Variants in AKR1C3 observed in about 807,000 individuals in gnomAD.
AKR1C3 encodes 3-alpha hydroxysteroid dehydrogenase, type II.
Under a neutral mutation model 43.6 loss-of-function variants are expected in AKR1C3, and 48 were observed. That is an observed-to-expected ratio of 1.10 (90% CI 0.87 to 1.40). The LOEUF is 1.40. Among genes scored for constraint, AKR1C3 ranks in the 40% most tolerant of loss-of-function variants. AKR1C3 has a pLI of 0.00. For missense variants in AKR1C3, 482 were observed against 391.2 expected (o/e 1.23, Z -1.96); for synonymous variants, 162 against 139.6 (o/e 1.16, Z -1.13).
At chr10:5,104,253 A>ACAACT (rs1839438754) in intron 7 of AKR1C3, among the ~76,000 whole-genome samples, 2 of 152,158 alleles carry the variant, frequency 1.3e-5, no homozygotes, top group African/African-American at 4.8e-5. Context: ...AATTAGTTGT[A>ACAACT]AATTCAAATG....
chr10:5,098,171 G>A (rs1427595514), intron 3 of AKR1C3: 13 of 985,566 alleles, frequency 1.3e-5, no homozygotes, highest in Non-Finnish European at 1.6e-5. Context: ...TGTAAAATGG[G>A]AAGTCAAAGA....
At chr10:5,077,542 G>T in intron 1 of AKR1C3, 1 of 394,990 alleles carries the variant, frequency 2.5e-6, no homozygotes, top group South Asian at 1.1e-4. Context: ...TCCTATTATG[G>T]AAATGCAAGG....
intron 8 of AKR1C3, among the ~76,000 whole-genome samples, chr10:5,106,307 T>C (rs1201374355): frequency 9.2e-5 from 14 of 152,162 alleles, no homozygotes; most frequent in Admixed American, 9.2e-4. Context: ...AGGCAGAGAA[T>C]TTAAAAAAAT....
chr10:5,078,186 G>A (rs1365616977), intron 1 of AKR1C3, among the ~76,000 whole-genome samples: 2 of 152,166 alleles, frequency 1.3e-5, no homozygotes, highest in South Asian at 2.1e-4. Flanking sequence ...CATTTTGGGC[G>A]GCTGATGCGG....
intron 3 of AKR1C3, among the ~76,000 whole-genome samples, chr10:5,098,591 T>A (rs1461164747): frequency 6.6e-6 from 1 of 152,260 alleles, no homozygotes; most frequent in African/African-American, 2.4e-5. Context: ...TCCTTTTCCA[T>A]GCATATAATA....
intron 3 of AKR1C3, chr10:5,097,906 A>G (rs1564369397): frequency 9.2e-7 from 1 of 1,082,706 alleles, no homozygotes; most frequent in East Asian, 8.9e-5. Context: ...ACTGCTGCAC[A>G]TGTGATGCAC....
chr10:5,094,499 T>C lies in AKR1C3; in HGVS notation c.55T>C (p.Leu19=). The change falls in exon 1 of 9, where the codon TTG becomes CTG. Residue 19 remains leucine (L), a synonymous_variant. Coordinates refer to ENST00000380554, the MANE Select transcript of AKR1C3 (RefSeq NM_003739.6). ...AAATGATGGCCACTTCATGCCTGTA[T>C]TGGGATTTGGCACCTATGCACCTCC... The part of the protein sequence containing the change: ...KLNDGHFMPV[L]GFGTYAPPEV... 2 of 1,612,844 alleles carry C rather than the reference T, an allele frequency of 1.2e-6. No homozygotes were observed. Among genetic ancestry groups the C allele is most frequent in the South Asian group, 2.2e-5 (2 of 91,056 alleles).
At chr10:5,080,234 G>A (rs11597709) in intron 1 of AKR1C3, among the ~76,000 whole-genome samples, 7,497 of 152,238 alleles carry the variant, frequency 0.049, 194 homozygotes, top group Middle Eastern at 0.12. Flanking sequence ...GAATGAGTGT[G>A]TGAAAATGTT....
At chr10:5,065,296 C>T (rs186327746) in intron 1 of AKR1C3, among the ~76,000 whole-genome samples, 31 of 152,268 alleles carry the variant, frequency 2.0e-4, no homozygotes, top group Admixed American at 1.4e-3. Context: ...CATAAAGACA[C>T]GTGCATGCAT....
chr10:5,052,014 A>G (rs1224319034), intron 1 of AKR1C3, among the ~76,000 whole-genome samples: 1 of 152,142 alleles, frequency 6.6e-6, no homozygotes, highest in Non-Finnish European at 1.5e-5. Flanking sequence ...GGTCTCACTG[A>G]CTTCAAGAAT....
intron 1 of AKR1C3, among the ~76,000 whole-genome samples, chr10:5,065,534 A>G (rs1297508055): frequency 1.3e-5 from 2 of 152,308 alleles, no homozygotes; most frequent in South Asian, 2.1e-4. Flanking sequence ...CAAAATGCAG[A>G]AAAAAATGCA....
At chr10:5,087,845 C>T (rs1346279885) in intron 1 of AKR1C3, among the ~76,000 whole-genome samples, 2 of 150,916 alleles carry the variant, frequency 1.3e-5, no homozygotes, top group Non-Finnish European at 3.0e-5. Flanking sequence ...TGTGACCATT[C>T]TTATTTCTTT....
At chr10:5,056,038 C>T (rs1838254373) in intron 1 of AKR1C3, among the ~76,000 whole-genome samples, 1 of 152,182 alleles carries the variant, frequency 6.6e-6, no homozygotes, top group Non-Finnish European at 1.5e-5. Context: ...AACCTAGACA[C>T]CTTGTAACCT....
chr10:5,087,697 A>T (rs533302385), intron 1 of AKR1C3, among the ~76,000 whole-genome samples: 1 of 151,604 alleles, frequency 6.6e-6, no homozygotes, highest in African/African-American at 2.4e-5. Flanking sequence ...TCTGTATTGT[A>T]TTTTTTTGAA....
chr10:5,054,912 G>T (rs1294579786), intron 1 of AKR1C3, among the ~76,000 whole-genome samples: 1 of 152,198 alleles, frequency 6.6e-6, no homozygotes, highest in South Asian at 2.1e-4. Context: ...CACCTCCTTG[G>T]GTTTTTGCAC....
intron 1 of AKR1C3, among the ~76,000 whole-genome samples, chr10:5,064,921 C>CAA (rs35858845): frequency 0.19 from 26,314 of 141,768 alleles, 2,863 homozygotes; most frequent in Admixed American, 0.27. Flanking sequence ...ACAAAATAAG[C>CAA]AAAAAAAAAA....
intron 8 of AKR1C3, among the ~76,000 whole-genome samples, chr10:5,106,333 G>A (rs1257695140): frequency 2.6e-5 from 4 of 152,152 alleles, no homozygotes; most frequent in African/African-American, 7.2e-5. Flanking sequence ...ATCAAGGAGT[G>A]TGAGTGTGGA....
chr10:5,048,827 C>G (rs782373396), exon 1 of AKR1C3: 1 of 1,613,718 alleles, frequency 6.2e-7, no homozygotes, highest in Admixed American at 1.7e-5. Flanking sequence ...TTCAAAACAT[C>G]AGTGTTTGAA....
chr10:5,072,594 A>G (rs1838634433), intron 1 of AKR1C3, among the ~76,000 whole-genome samples: 1 of 152,216 alleles, frequency 6.6e-6, no homozygotes, highest in Admixed American at 6.5e-5. Context: ...AAATGAAAAT[A>G]TCAAGAAAGA....
Sources: gnomAD v4.1 joint callset for allele counts (sites outside exome capture counted in the v4.1 genomes callset) on GRCh38, gnomAD v4.1.1 for gene constraint, MANE v1.5 for transcripts, NCBI Gene and HGNC (gene_info 2026-07-23, HGNC 2026-07-21) for gene names.